Variants in SCHIP1 observed in about 807,000 individuals in gnomAD.
SCHIP1 encodes schwannomin interacting protein 1, also known as schwannomin-interacting protein 1.
SCHIP1 carries 8 observed loss-of-function variants against 29.7 expected under a neutral mutation model. The ratio of observed to expected loss-of-function variants is 0.27; its 90% CI spans 0.16 to 0.49. The LOEUF is 0.49. Among genes scored for constraint, SCHIP1 ranks in the 20% least tolerant of loss-of-function variants. SCHIP1 has a pLI of 0.99. For synonymous variants in SCHIP1, 76 were observed against 94.9 expected, an observed-to-expected ratio of 0.80 and a Z score of 1.16; for missense variants, 193 against 294.6, an observed-to-expected ratio of 0.66 and a Z score of 2.52.
the SCHIP1 span, among the ~76,000 whole-genome samples, chr3:159,352,094 C>A: frequency 6.6e-6 from 1 of 152,172 alleles, no homozygotes; most frequent in Non-Finnish European, 1.5e-5. Context: ...GTTTCGGCAG[C>A]CCCGCTGCTT....
chr3:159,886,066 G>A, intron 2 of SCHIP1, 141 bp from the exon 4 acceptor site: 2 of 735,880 alleles, frequency 2.7e-6, no homozygotes, highest in South Asian at 1.8e-5. Flanking sequence ...ATTTATATGT[G>A]GAGAGTAATA....
At chr3:159,876,106 C>G (rs1480918019) in intron 2 of SCHIP1, among the ~76,000 whole-genome samples, 1 of 152,164 alleles carries the variant, frequency 6.6e-6, no homozygotes, top group African/African-American at 2.4e-5. Context: ...ATTGAAAACA[C>G]TATAAAAAGC....
chr3:159,609,145 G>A, the SCHIP1 span, among the ~76,000 whole-genome samples: 2 of 152,190 alleles, frequency 1.3e-5, no homozygotes, highest in African/African-American at 4.8e-5. Flanking sequence ...GAGAAGACAA[G>A]TGCAGTGGCT....
rs765909661 is a variant in SCHIP1, at chr3:159,891,949, G to A, written c.590-148G>A. ...CTCTATAATTATGCAAACTAGACAC[G>A]TTTCTGCAACATACGATGTCTAACC... On this transcript the variant is annotated intron_variant, in intron 5 of 6. Transcript: ENST00000445224. 110 of 839,104 alleles carry A rather than the reference G, an allele frequency of 1.3e-4. 1 individual carries two copies. The highest frequency in any genetic ancestry group is 1.6e-4 in the Non-Finnish European group (92 of 569,298). 52.0% of individuals were successfully genotyped at this position (839,104 alleles called of 1,614,324 possible).
At chr3:159,558,678 AG>A in the SCHIP1 span, among the ~76,000 whole-genome samples, 5 of 152,226 alleles carry the variant, frequency 3.3e-5, no homozygotes, top group African/African-American at 1.2e-4. Flanking sequence ...CTCACACCAG[AG>A]TCTCATCGGT....
At chr3:159,874,859 T>C (rs1715624529) in intron 2 of SCHIP1, among the ~76,000 whole-genome samples, 1 of 152,204 alleles carries the variant, frequency 6.6e-6, no homozygotes, top group African/African-American at 2.4e-5. Context: ...ATTTATAACA[T>C]GCAACATATC....
chr3:159,551,816 G>A, the SCHIP1 span, among the ~76,000 whole-genome samples: 1 of 151,974 alleles, frequency 6.6e-6, no homozygotes, highest in Non-Finnish European at 1.5e-5. Flanking sequence ...CATTATGTTG[G>A]AACATGAAAC....
At chr3:159,431,361 G>T in the SCHIP1 span, among the ~76,000 whole-genome samples, 1 of 151,940 alleles carries the variant, frequency 6.6e-6, no homozygotes, top group Non-Finnish European at 1.5e-5. Context: ...GACAGAGGAG[G>T]TATAAAAGGT....
At chr3:159,659,862 A>G in the SCHIP1 span, among the ~76,000 whole-genome samples, 1 of 152,158 alleles carries the variant, frequency 6.6e-6, no homozygotes, top group East Asian at 1.9e-4. Context: ...CCCTTCTTGC[A>G]AAAGGTTAAA....
the SCHIP1 span, among the ~76,000 whole-genome samples, chr3:159,606,489 A>G: frequency 1.3e-5 from 2 of 152,290 alleles, no homozygotes; most frequent in Non-Finnish European, 1.5e-5. Context: ...ATCTACCACC[A>G]CAAACATTTA....
chr3:159,656,764 G>T, the SCHIP1 span, among the ~76,000 whole-genome samples: 2 of 152,122 alleles, frequency 1.3e-5, no homozygotes, highest in Admixed American at 6.5e-5. Flanking sequence ...AGCTCATTCA[G>T]GTTTTATATA....
the SCHIP1 span, among the ~76,000 whole-genome samples, chr3:159,612,472 C>T: frequency 2.0e-5 from 3 of 152,158 alleles, no homozygotes; most frequent in African/African-American, 7.2e-5. Flanking sequence ...TTCGGACATG[C>T]GCGGTGGCTC....
the SCHIP1 span, among the ~76,000 whole-genome samples, chr3:159,416,607 T>A: frequency 6.6e-6 from 1 of 152,206 alleles, no homozygotes; most frequent in East Asian, 1.9e-4. Context: ...TTAATTGGAT[T>A]TTTTCCACTT....
the SCHIP1 span, among the ~76,000 whole-genome samples, chr3:159,348,865 T>C: frequency 6.6e-6 from 1 of 152,210 alleles, no homozygotes; most frequent in Non-Finnish European, 1.5e-5. Flanking sequence ...GGGAAATAGT[T>C]CTTTCTTTTC....
the SCHIP1 span, among the ~76,000 whole-genome samples, chr3:159,565,227 T>C: frequency 6.6e-6 from 1 of 152,234 alleles, no homozygotes; most frequent in South Asian, 2.1e-4. Flanking sequence ...TTAGCATAGC[T>C]TACTTTATCT....
At chr3:159,396,157 G>A in the SCHIP1 span, among the ~76,000 whole-genome samples, 4 of 142,696 alleles carry the variant, frequency 2.8e-5, no homozygotes, top group Admixed American at 7.2e-5. Flanking sequence ...GCCTTTTTTT[G>A]TTTTCCATTT....
the SCHIP1 span, among the ~76,000 whole-genome samples, chr3:159,734,635 T>C: frequency 6.6e-6 from 1 of 152,164 alleles, no homozygotes; most frequent in Admixed American, 6.5e-5. Context: ...ATTTCTAGTT[T>C]CTTCATTTAT....
At chr3:159,699,462 G>A in the SCHIP1 span, among the ~76,000 whole-genome samples, 1 of 152,198 alleles carries the variant, frequency 6.6e-6, no homozygotes, top group Non-Finnish European at 1.5e-5. Context: ...TAACACCCAG[G>A]AAGGAGTGTT....
chr3:159,436,421 C>G, the SCHIP1 span, among the ~76,000 whole-genome samples: 1 of 152,050 alleles, frequency 6.6e-6, no homozygotes, highest in African/African-American at 2.4e-5. Context: ...GAAATTAACT[C>G]CTAGAGAGAA....
Sources: allele counts gnomAD v4.1 joint callset (sites outside exome capture counted in the v4.1 genomes callset), GRCh38; gene constraint gnomAD v4.1.1; transcripts MANE v1.5; gene names NCBI Gene and HGNC (gene_info 2026-07-23, HGNC 2026-07-21).